The following CHEK2 variants were observed in gnomAD, a reference collection of about 807,000 sequenced individuals.
The protein encoded by CHEK2 is checkpoint kinase 2.
A neutral mutation model predicts 69.1 loss-of-function variants in CHEK2; 71 were observed. The ratio of observed to expected loss-of-function variants is 1.03; its 90% CI spans 0.85 to 1.25. CHEK2 has a LOEUF of 1.25. CHEK2 is among the 50% of genes most tolerant of loss of function. The probability of loss-of-function intolerance (pLI) is 0.00; values close to 1 mark genes in which losing one functional copy is unlikely to be tolerated. For missense variants in CHEK2, 664 were observed against 649.6 expected, an observed-to-expected ratio of 1.02 and a Z score of -0.24; for synonymous variants, 189 against 226.9, an observed-to-expected ratio of 0.83 and a Z score of 1.50.
intron 5 of CHEK2, among the ~76,000 whole-genome samples, chr22:28,713,305 T>C (rs1310544406): frequency 6.6e-6 from 1 of 152,072 alleles, no homozygotes; most frequent in Non-Finnish European, 1.5e-5. Flanking sequence ...AAACAATAGA[T>C]AAATTATACT....
chr22:28,696,844 A>G, intron 10 of CHEK2, 57 bp downstream of exon 10: 2 of 1,159,448 alleles, frequency 1.7e-6, no homozygotes, highest in South Asian at 2.5e-5. Flanking sequence ...TGAGGAATTA[A>G]AAGTTTCTGA....
rs1172897357 is a variant in CHEK2, at chr22:28,703,443, C to A, written c.908+62G>T. 5.5e-6 allele frequency: 5 copies of A among 904,752 alleles called. No homozygotes were observed. The East Asian group carries it at 1.0e-4, about 19-fold the overall frequency. The allele number at this position is 904,752 out of a possible 1,614,324, so 56.0% of individuals were successfully genotyped here. A position where few individuals can be genotyped will look rare whatever the true frequency, so the allele number is the denominator to read the frequency against. On this transcript the variant is annotated intron_variant, in intron 8 of 14. Coordinates refer to ENST00000404276, the MANE Select transcript of CHEK2 (RefSeq NM_007194.4). ...GAGAAAGGCAAGCCTACATTAGATT[C>A]TTTGGTGGCTTTATAAAGCATTTGA...
At chr22:28,720,060 T>C (rs914627188) in intron 4 of CHEK2, among the ~76,000 whole-genome samples, 1 of 151,768 alleles carries the variant, frequency 6.6e-6, no homozygotes, top group African/African-American at 2.4e-5. Context: ...CCCTTTTTTC[T>C]CCATTATTTG....
At chr22:28,688,030 T>C in intron 14 of CHEK2, 44 bp from the exon 15 acceptor site, 1 of 1,420,882 alleles carries the variant, frequency 7.0e-7, no homozygotes, top group Non-Finnish European at 9.7e-7. Context: ...AGAAAATCAC[T>C]GGCTTCTTTA....
intron 9 of CHEK2, among the ~76,000 whole-genome samples, chr22:28,699,169 TA>T (rs922951773): frequency 2.6e-5 from 4 of 151,942 alleles, no homozygotes; most frequent in African/African-American, 9.7e-5. Context: ...CATGCCTGGC[TA>T]TTTTTATTTT....
chr22:28,710,349 C>A (rs887886000), intron 6 of CHEK2, among the ~76,000 whole-genome samples: 3 of 152,184 alleles, frequency 2.0e-5, no homozygotes, highest in Non-Finnish European at 4.4e-5. Context: ...ACAGATGGGG[C>A]AACCAAGGCT....
intron 10 of CHEK2, among the ~76,000 whole-genome samples, chr22:28,696,484 G>A (rs765344147): frequency 2.6e-5 from 4 of 152,108 alleles, no homozygotes; most frequent in African/African-American, 7.2e-5. Context: ...AGTGATTCTC[G>A]TGTCTCAGCC....
chr22:28,725,120 A>G lies in CHEK2; in HGVS notation c.449T>C (p.Val150Ala), dbSNP rs587782385. ...TGCAATGTAAGAGTTTTTAGGACCC[A>G]CTTCCTAAAATAGAGAACATTTTGT... ...SKKHFRIFREVGPKNSYIAYI... is the reference protein window; with the variant it reads ...SKKHFRIFREAGPKNSYIAYI... The change falls in exon 4 of 15, where the codon GTG becomes GCG. Residue 150 changes from valine to alanine, a missense_variant. Coordinates refer to ENST00000404276, the MANE Select transcript of CHEK2 (RefSeq NM_007194.4). 2 of 1,614,078 alleles carry G rather than the reference A, an allele frequency of 1.2e-6. No homozygotes were observed. The highest frequency in any genetic ancestry group is 8.5e-7 in the Non-Finnish European group (1 of 1,179,954).
At chr22:28,707,498 C>G (rs1001978175) in intron 7 of CHEK2, among the ~76,000 whole-genome samples, 12 of 152,194 alleles carry the variant, frequency 7.9e-5, no homozygotes, top group Non-Finnish European at 1.8e-4. Flanking sequence ...AAGGGAAGGA[C>G]AGCAATATCT....
intron 4 of CHEK2, 101 bp downstream of exon 4, chr22:28,724,876 C>T (rs1271879435): frequency 3.1e-6 from 4 of 1,280,966 alleles, no homozygotes; most frequent in Non-Finnish European, 4.5e-6. Context: ...ACTTACTCAT[C>T]TTTACTCACT....
intron 9 of CHEK2, among the ~76,000 whole-genome samples, chr22:28,697,996 A>T (rs1468772400): frequency 6.6e-6 from 1 of 152,138 alleles, no homozygotes; most frequent in Non-Finnish European, 1.5e-5. Flanking sequence ...TACACTGAGT[A>T]GGTGACAGCT....
intron 7 of CHEK2, chr22:28,708,982 A>AC (rs2145925049): frequency 2.3e-6 from 1 of 427,910 alleles, no homozygotes; most frequent in South Asian, 1.7e-5. Context: ...AAACAAACAA[A>AC]AAAAATGCCA....
Position 28,734,507 on chromosome 22 carries a change from T to C in CHEK2, c.215A>G (p.Tyr72Cys), listed in dbSNP as rs769819013. The C allele has an allele frequency of 5.0e-6, 8 of 1,613,876 alleles. No homozygotes were observed. In the Admixed American group the frequency reaches 6.7e-5, roughly 13 times the overall value. The change falls in exon 2 of 15, where the codon TAT becomes TGT. Residue 72 changes from tyrosine to cysteine, a missense_variant. By Grantham distance (194) the Tyr-to-Cys change is radical. Transcript: ENST00000404276. ...SLETVSTQEL[Y>C]SIPEDQEPED... is the part of the protein sequence containing the mutation. ...AGGTTCTTGGTCCTCAGGAATAGAA[T>C]AGAGTTCCTGAGTGGACACTGTCTC...
intron 7 of CHEK2, among the ~76,000 whole-genome samples, chr22:28,704,290 T>A (rs879558026): frequency 2.3e-4 from 35 of 149,342 alleles, no homozygotes; most frequent in Non-Finnish European, 4.6e-4. Context: ...AGCACACCTA[T>A]TTTTTTTTTA....
chr22:28,711,271 A>T (rs964479602), intron 6 of CHEK2, among the ~76,000 whole-genome samples: 2 of 152,218 alleles, frequency 1.3e-5, no homozygotes, highest in African/African-American at 2.4e-5. Context: ...AAATTTTAAA[A>T]ATCTATGGCT....
At chr22:28,719,066 A>C (rs1374768782) in intron 5 of CHEK2, among the ~76,000 whole-genome samples, 1 of 152,056 alleles carries the variant, frequency 6.6e-6, no homozygotes, top group East Asian at 1.9e-4. Flanking sequence ...AACTCTAAAA[A>C]ACAAAAACAC....
chr22:28,696,730 T>A (rs1470171290), intron 10 of CHEK2, among the ~76,000 whole-genome samples, 171 bp downstream of exon 10: 1 of 152,152 alleles, frequency 6.6e-6, no homozygotes, highest in African/African-American at 2.4e-5. Flanking sequence ...GCTCAATAAA[T>A]GCTCATTCGA....
At chr22:28,732,883 C>T (rs2146131451) in intron 2 of CHEK2, among the ~76,000 whole-genome samples, 1 of 152,184 alleles carries the variant, frequency 6.6e-6, no homozygotes, top group East Asian at 1.9e-4. Flanking sequence ...CCTCTGCCTC[C>T]CAGGTTCAAG....
At position 28,737,096 on chromosome 22, in the gene CHEK2, A is replaced by T. The variant is rs112869742; in HGVS notation, c.-6-2369T>A. Among the ~76,000 whole-genome samples, 11 of 152,324 alleles carry T rather than the reference A, an allele frequency of 7.2e-5. No individual in the cohort carries two copies. In the East Asian group the frequency reaches 1.5e-3, roughly 21 times the overall value. On this transcript the variant is annotated intron_variant, in intron 1 of 14. Coordinates refer to ENST00000404276, the MANE Select transcript of CHEK2 (RefSeq NM_007194.4). ...AAACTCAGGCTACTACTCTAGGAGAACATAGGAAACAACACTATAGTAGTC... is the reference window on the plus strand; with the variant it reads ...AAACTCAGGCTACTACTCTAGGAGATCATAGGAAACAACACTATAGTAGTC...
Sources: gnomAD v4.1 joint callset for allele counts (sites outside exome capture counted in the v4.1 genomes callset) on GRCh38, gnomAD v4.1.1 for gene constraint, MANE v1.5 for transcripts, NCBI Gene and HGNC (gene_info 2026-07-23, HGNC 2026-07-21) for gene names.